The following ATXN1 variants were observed in gnomAD, a reference collection of about 807,000 sequenced individuals.
ATXN1 encodes ataxin-1.
ATXN1 carries 8 observed loss-of-function variants against 56.4 expected under a neutral mutation model. The observed-to-expected ratio is 0.14, with a 90% CI of 0.08 to 0.26. ATXN1 has a LOEUF of 0.26. Among genes scored for constraint, ATXN1 ranks in the 10% least tolerant of loss-of-function variants. The probability of loss-of-function intolerance (pLI) is 1.00; values close to 1 mark genes in which losing one functional copy is unlikely to be tolerated. For synonymous variants in ATXN1, 514 were observed against 494.6 expected (o/e 1.04, Z -0.52); for missense variants, 987 against 1,106.5 (o/e 0.89, Z 1.53).
chr6:16,682,466 G>A (rs932883618), intron 2 of ATXN1, among the ~76,000 whole-genome samples: 1 of 152,030 alleles, frequency 6.6e-6, no homozygotes, highest in Non-Finnish European at 1.5e-5. Context: ...CAAAGTGCTG[G>A]GATTACAGGT....
At chr6:16,726,282 A>C (rs1404135230) in intron 2 of ATXN1, among the ~76,000 whole-genome samples, 1 of 150,610 alleles carries the variant, frequency 6.6e-6, no homozygotes, top group Non-Finnish European at 1.5e-5. Context: ...CAGGTGGCTG[A>C]GGCAAGAGAA....
intron 3 of ATXN1, among the ~76,000 whole-genome samples, chr6:16,598,374 T>A (rs922984033): frequency 2.6e-5 from 4 of 152,248 alleles, no homozygotes; most frequent in Admixed American, 6.5e-5. Flanking sequence ...TATAATATGC[T>A]ACTTTGGAAG....
chr6:16,707,083 G>T, intron 2 of ATXN1, among the ~76,000 whole-genome samples: 1 of 151,940 alleles, frequency 6.6e-6, no homozygotes, highest in Non-Finnish European at 1.5e-5. Context: ...CCAAGAAAAA[G>T]AAGTTGTTCC....
intron 4 of ATXN1, among the ~76,000 whole-genome samples, chr6:16,560,670 C>T (rs1762100318): frequency 6.6e-6 from 1 of 152,132 alleles, no homozygotes; most frequent in African/African-American, 2.4e-5. Context: ...CTCATTCTAC[C>T]ACTCCTGCAG....
chr6:16,560,529 G>A (rs1293212776), intron 4 of ATXN1, among the ~76,000 whole-genome samples: 1 of 152,148 alleles, frequency 6.6e-6, no homozygotes, highest in Non-Finnish European at 1.5e-5. Flanking sequence ...AGGGGGCAGG[G>A]GTGGAGAGAG....
intron 2 of ATXN1, among the ~76,000 whole-genome samples, chr6:16,666,343 T>G (rs1383393173): frequency 2.0e-5 from 3 of 152,208 alleles, no homozygotes; most frequent in Non-Finnish European, 4.4e-5. Context: ...TGAATAATAT[T>G]CCACTGTGTA....
At chr6:16,645,329 C>T (rs574062516) in intron 3 of ATXN1, among the ~76,000 whole-genome samples, 155 of 152,310 alleles carry the variant, frequency 1.0e-3, no homozygotes, top group African/African-American at 3.6e-3. Flanking sequence ...GGCCAGCTGC[C>T]AGCAGCATCA....
intron 6 of ATXN1, among the ~76,000 whole-genome samples, chr6:16,417,210 T>A (rs1223090373): frequency 1.3e-5 from 2 of 151,958 alleles, no homozygotes; most frequent in Admixed American, 1.3e-4. Flanking sequence ...TAAAAAAAAA[T>A]TTTCTTTTGA....
intron 5 of ATXN1, among the ~76,000 whole-genome samples, chr6:16,495,112 A>G (rs1760754030): frequency 6.6e-6 from 1 of 152,198 alleles, no homozygotes; most frequent in South Asian, 2.1e-4. Context: ...ATAATTTCTG[A>G]AGCATTTATA....
At chr6:16,429,074 C>T (rs184738313) in intron 6 of ATXN1, among the ~76,000 whole-genome samples, 13 of 152,154 alleles carry the variant, frequency 8.5e-5, no homozygotes, top group Non-Finnish European at 1.5e-4. Flanking sequence ...AGGTCACCTG[C>T]TGGACACCCT....
intron 6 of ATXN1, among the ~76,000 whole-genome samples, chr6:16,396,825 C>T (rs6902665): frequency 6.6e-6 from 1 of 152,126 alleles, no homozygotes; most frequent in Admixed American, 6.5e-5. Context: ...TATTCTATGT[C>T]TAGATGCACA....
chr6:16,732,679 C>T (rs2113488342), intron 2 of ATXN1, among the ~76,000 whole-genome samples: 1 of 152,302 alleles, frequency 6.6e-6, no homozygotes, highest in Non-Finnish European at 1.5e-5. Context: ...TGTATTTACA[C>T]ATACAAATGC....
At chr6:16,638,983 C>T (rs1311413912) in intron 3 of ATXN1, among the ~76,000 whole-genome samples, 1 of 152,208 alleles carries the variant, frequency 6.6e-6, no homozygotes. Flanking sequence ...GAGAACTTTT[C>T]TGTCTTACAA....
At chr6:16,375,500 A>C (rs1762124911) in intron 6 of ATXN1, among the ~76,000 whole-genome samples, 1 of 152,146 alleles carries the variant, frequency 6.6e-6, no homozygotes, top group Non-Finnish European at 1.5e-5. Flanking sequence ...GCATTACAAA[A>C]ATTCATCATT....
chr6:16,479,115 A>G (rs1239894754), intron 6 of ATXN1, among the ~76,000 whole-genome samples: 2 of 152,222 alleles, frequency 1.3e-5, no homozygotes, highest in African/African-American at 4.8e-5. Context: ...GAAATAAAAG[A>G]TTATGATAGA....
At chr6:16,657,129 G>A (rs997000966) in intron 3 of ATXN1, among the ~76,000 whole-genome samples, 4 of 151,170 alleles carry the variant, frequency 2.6e-5, no homozygotes, top group African/African-American at 7.3e-5. Context: ...GACTACAAGC[G>A]CCCGCCACTA....
intron 3 of ATXN1, among the ~76,000 whole-genome samples, chr6:16,650,053 C>T (rs1451199826): frequency 6.6e-6 from 1 of 152,072 alleles, no homozygotes; most frequent in Admixed American, 6.6e-5. Context: ...TTCCCTCAGC[C>T]TCTCAAAATG....
chr6:16,727,550 TAATG>T (rs775051322), intron 2 of ATXN1, among the ~76,000 whole-genome samples: 8 of 152,172 alleles, frequency 5.3e-5, no homozygotes, highest in Non-Finnish European at 1.0e-4. Flanking sequence ...TCAAATTACT[TAATG>T]AATAGACTAA....
Position 16,441,961 on chromosome 6 carries a change from C to A in ATXN1, c.-161+44011G>T, listed in dbSNP as rs777511903. On this transcript the variant is annotated intron_variant, in intron 6 of 7. Transcript: ENST00000436367. ...AATAAAAACAGCAAATGCTTAAAAT[C>A]GTGACTGAAGCACAAATTCTAGAAG... Among the ~76,000 whole-genome samples the A allele has an allele frequency of 2.0e-5, 3 of 152,096 alleles. No homozygotes were observed. In the East Asian group the frequency reaches 5.8e-4, roughly 29 times the overall value.
Sources: allele counts gnomAD v4.1 joint callset (sites outside exome capture counted in the v4.1 genomes callset), GRCh38; gene constraint gnomAD v4.1.1; transcripts MANE v1.5; gene names NCBI Gene and HGNC (gene_info 2026-07-23, HGNC 2026-07-21).